Variants in DPY19L2 observed in about 807,000 individuals in gnomAD.
The protein encoded by DPY19L2 is dpy-19 like 2.
DPY19L2 carries 34 observed loss-of-function variants against 97.9 expected under a neutral mutation model. That is an observed-to-expected ratio of 0.35 (90% CI 0.26 to 0.46). DPY19L2 has a LOEUF of 0.46. DPY19L2 is among the 20% of genes least tolerant of loss of function. The pLI is 1.00. For synonymous variants in DPY19L2, 230 were observed against 307.9 expected, an observed-to-expected ratio of 0.75 and a Z score of 2.65; for missense variants, 623 against 911.4, an observed-to-expected ratio of 0.68 and a Z score of 4.07.
chr12:63,562,840 G>A (rs1051356415), intron 21 of DPY19L2, among the ~76,000 whole-genome samples: 3 of 147,572 alleles, frequency 2.0e-5, no homozygotes, highest in Non-Finnish European at 3.0e-5. Flanking sequence ...CTCTGTCGCC[G>A]AGTGGAGTGC....
intron 6 of DPY19L2, among the ~76,000 whole-genome samples, chr12:63,635,031 C>A (rs1007858894): frequency 2.0e-5 from 3 of 152,184 alleles, no homozygotes; most frequent in Non-Finnish European, 4.4e-5. Flanking sequence ...AGGCACCCCC[C>A]AGTAGGGGCA....
In DPY19L2 at chr12:63,661,395, A is replaced by T. The variant is rs759514348; in HGVS notation, c.537T>A (p.Thr179=). 88 of 1,603,082 alleles carry T rather than the reference A, an allele frequency of 5.5e-5. 2 individuals carry two copies. The South Asian group carries it at 9.9e-4, about 18-fold the overall frequency. The part of the protein sequence containing the change: ...GLWMIMNDRL[T]EYPLIINAIK... Reference sequence around the variant, plus strand: ...TTGCATTAATTATAAGAGGATATTCAGTAAGCCTGTCATTCATAATCATCC... The same window carrying T: ...TTGCATTAATTATAAGAGGATATTCTGTAAGCCTGTCATTCATAATCATCC... The change falls in exon 4 of 22, where the codon ACT becomes ACA. Residue 179 remains threonine, a synonymous_variant. Transcript: ENST00000324472.
chr12:63,581,712 A>G (rs375004405), intron 18 of DPY19L2, among the ~76,000 whole-genome samples: 3 of 146,922 alleles, frequency 2.0e-5, no homozygotes, highest in Middle Eastern at 3.7e-3. Context: ...TGAACTCCTG[A>G]CCTCAAGTGA....
chr12:63,631,584 C>T (rs4835321), intron 6 of DPY19L2, among the ~76,000 whole-genome samples: 1 of 151,972 alleles, frequency 6.6e-6, no homozygotes, highest in South Asian at 2.1e-4. Flanking sequence ...AGCCTACCAA[C>T]CAAAAAAAGT....
chr12:63,658,806 ACT>A (rs1385040222), intron 4 of DPY19L2, among the ~76,000 whole-genome samples: 2 of 152,266 alleles, frequency 1.3e-5, no homozygotes, highest in East Asian at 3.9e-4. Flanking sequence ...GCACAGATCA[ACT>A]CTGTTTCTAT....
At position 63,619,192 on chromosome 12, in the gene DPY19L2, G is replaced by A. The variant is rs906859892; in HGVS notation, c.1054-964C>T. 2.8e-4 allele frequency among the ~76,000 whole-genome samples: 43 copies of A among 152,168 alleles called. 2 individuals carry two copies. The highest frequency in any genetic ancestry group is 3.8e-4 in the Non-Finnish European group (26 of 68,000). On this transcript the variant is annotated intron_variant, in intron 9 of 21. Coordinates refer to ENST00000324472, the MANE Select transcript of DPY19L2 (RefSeq NM_173812.5). ...ATGGTGGCTCACGCCTATAATCCCA[G>A]CATTTTGGGAGGCCAAGATAGGAGA...
chr12:63,668,311 G>C lies in DPY19L2; in HGVS notation c.83C>G (p.Ala28Gly). 2 of 1,613,926 alleles carry C rather than the reference G, an allele frequency of 1.2e-6. No individual in the cohort carries two copies. The highest frequency in any genetic ancestry group is 1.7e-6 in the Non-Finnish European group (2 of 1,179,916). Residue 28 changes from alanine (A) to glycine (G), a missense_variant, in exon 1 of 22, where the codon GCC (alanine) becomes GGC (glycine). Around this residue, in one of 6 missense-constraint regions of DPY19L2, gnomAD observed 144 missense variants for 119.4 expected, o/e 1.21. Coordinates refer to ENST00000324472, the MANE Select transcript of DPY19L2 (RefSeq NM_173812.5). ...QSKGRRGASLAREPEVEEEME... is the reference protein window; with the variant it reads ...QSKGRRGASLGREPEVEEEME... ...CTCCTCCTCTACCTCCGGCTCCCGGGCGAGGGAGGCCCCGCGCCGCCCCTT... is the reference window on the plus strand; with the variant it reads ...CTCCTCCTCTACCTCCGGCTCCCGGCCGAGGGAGGCCCCGCGCCGCCCCTT...
intron 4 of DPY19L2, among the ~76,000 whole-genome samples, chr12:63,648,411 A>G (rs1394073851): frequency 6.6e-6 from 1 of 151,662 alleles, no homozygotes; most frequent in Non-Finnish European, 1.5e-5. Context: ...TGGGGAAGCT[A>G]GACTTCCACC....
chr12:63,569,884 C>G (rs150957059), intron 20 of DPY19L2, among the ~76,000 whole-genome samples: 741 of 152,150 alleles, frequency 4.9e-3, no homozygotes, highest in African/African-American at 0.017. Context: ...GGTGATTTGA[C>G]TGTAGTGGGA....
Position 63,661,489 on chromosome 12 carries a change from T to A in DPY19L2, c.451-8A>T, listed in dbSNP as rs55665893. ...GTATGAATAATAAAGTCCCTTTTTT[T>A]AAAAAAAGACATATATTGTCAATGT... On this transcript the variant is annotated splice_region_variant and splice_polypyrimidine_tract_variant and intron_variant, in intron 3 of 21. Coordinates refer to ENST00000324472, the MANE Select transcript of DPY19L2 (RefSeq NM_173812.5). The A allele has an allele frequency of 0.14, 218,189 of 1,536,734 alleles. 16,619 individuals are homozygous for A. The highest frequency in any genetic ancestry group is 0.29 in the East Asian group (12,144 of 41,924).
chr12:63,593,988 G>T, intron 16 of DPY19L2, 99 bp downstream of exon 16: 1 of 757,956 alleles, frequency 1.3e-6, no homozygotes, highest in Non-Finnish European at 2.0e-6. Flanking sequence ...TAATCACAAT[G>T]CTAAAGTTTA....
chr12:63,622,936 T>C (rs1888924418), intron 8 of DPY19L2, among the ~76,000 whole-genome samples: 1 of 151,998 alleles, frequency 6.6e-6, no homozygotes, highest in South Asian at 2.1e-4. Context: ...AATAAATAAA[T>C]AAAAATTTGT....
Position 63,644,631 on chromosome 12 carries a change from TTTAA to T in DPY19L2, c.710-139_710-136del. On this transcript the variant is annotated intron_variant, in intron 5 of 21. Transcript: ENST00000324472. ...ATTTGCTTTCCAGATTGCTGCTGTG[TTTAA>T]TTATTTACCCTTATAAGAGTTTGTG... The T allele has an allele frequency of 3.0e-6, 4 of 1,354,636 alleles. No homozygotes were observed. The South Asian group carries it at 4.5e-5, about 15-fold the overall frequency. 83.9% of individuals were successfully genotyped at this position (1,354,636 alleles called of 1,614,324 possible).
chr12:63,594,464 AGTGTGTGT>A lies in DPY19L2; in HGVS notation c.1534-339_1534-332del, dbSNP rs539673870. Among the ~76,000 whole-genome samples the A allele has an allele frequency of 2.1e-3, 257 of 125,018 alleles. 4 individuals carry two copies. The highest frequency in any genetic ancestry group is 8.8e-3 in the African/African-American group (249 of 28,226). 82.0% of individuals were successfully genotyped at this position (125,018 alleles called of 152,430 possible). On this transcript the variant is annotated intron_variant, in intron 15 of 21. Coordinates refer to ENST00000324472, the MANE Select transcript of DPY19L2 (RefSeq NM_173812.5). ...CTGCAGGGATGAGAGAGAGAGAGAT[AGTGTGTGT>A]GTGTGTGTGTGTGTGTGTGTATGAA...
At position 63,661,456 on chromosome 12, in the gene DPY19L2, G is replaced by T; in HGVS notation, c.476C>A (p.Thr159Asn). Residue 159 changes from threonine to asparagine, a missense_variant, in exon 4 of 22, where the codon ACC becomes AAC. Thr to Asn is a moderately conservative substitution (Grantham distance 65). Transcript: ENST00000324472. ...CAAAAACGAAGGTGCTTCAATAATG[G>T]TCTTGAAGTATGAATAATAAAGTCC... ...EMGLYYSYFK[T>N]IIEAPSFLEG... The T allele has an allele frequency of 6.3e-7, 1 of 1,585,434 alleles. No individual in the cohort carries two copies. The highest frequency in any genetic ancestry group is 8.5e-7 in the Non-Finnish European group (1 of 1,170,476).
intron 4 of DPY19L2, among the ~76,000 whole-genome samples, chr12:63,656,896 CTAAAATTAT>C (rs1381190992): frequency 1.1e-5 from 1 of 87,838 alleles, no homozygotes; most frequent in African/African-American, 4.9e-5. Flanking sequence ...TCCAACTCTG[CTAAAATTAT>C]CTATCTGATC....
intron 6 of DPY19L2, among the ~76,000 whole-genome samples, chr12:63,642,430 G>A (rs1592704660): frequency 2.6e-5 from 4 of 151,752 alleles, no homozygotes; most frequent in East Asian, 1.9e-4. Context: ...TATATTATAC[G>A]CTGAACATTT....
chr12:63,645,732 TTCTC>T (rs1238305509), intron 5 of DPY19L2, among the ~76,000 whole-genome samples: 5 of 152,168 alleles, frequency 3.3e-5, no homozygotes, highest in Non-Finnish European at 4.4e-5. Flanking sequence ...TGCTTCCAAA[TTCTC>T]TCTCATACCC....
rs557534922 is a variant in DPY19L2 at position 63,666,431 on chromosome 12, T to C, written c.338-572A>G. 6.1e-3 allele frequency: 2,229 copies of C among 366,796 alleles called. 5 individuals are homozygous for C. The highest frequency in any genetic ancestry group is 8.3e-3 in the Non-Finnish European group (1,555 of 187,126). 22.7% of individuals were successfully genotyped at this position (366,796 alleles called of 1,614,324 possible). A position where few individuals can be genotyped will look rare whatever the true frequency, so the allele number is the denominator to read the frequency against. ...CCTAGGAGACTAGTCTGGAGTCACC[T>C]GTGCCAACGCCCCATGTATACATAA... On this transcript the variant is annotated intron_variant, in intron 1 of 21. Transcript: ENST00000324472.
Sources: gnomAD v4.1 joint callset for allele counts (sites outside exome capture counted in the v4.1 genomes callset) on GRCh38, gnomAD v4.1.1 for gene constraint, gnomAD v4.1.1 regional missense constraint, MANE v1.5 for transcripts, NCBI Gene and HGNC (gene_info 2026-07-23, HGNC 2026-07-21) for gene names.